The following ATAD2B variants were observed in gnomAD, a reference collection of about 807,000 sequenced individuals.
ATAD2B encodes the protein ATPase family AAA domain containing 2B, also known as ATPase family AAA domain-containing protein 2B.
ATAD2B carries 40 observed loss-of-function variants against 167.6 expected under a neutral mutation model. The observed-to-expected ratio is 0.24, with a 90% CI of 0.19 to 0.31. The LOEUF is 0.31. ATAD2B is among the 10% of genes least tolerant of loss of function. The pLI, the probability that ATAD2B is intolerant of heterozygous loss-of-function variation, is 1.00. For synonymous variants in ATAD2B, 579 were observed against 596.5 expected (o/e 0.97, Z 0.43); for missense variants, 1,242 against 1,757.2 (o/e 0.71, Z 5.24).
In ATAD2B at chr2:23,810,439, T is replaced by C. The variant is rs1399453567; in HGVS notation, c.2331A>G (p.Ser777=). The C allele has an allele frequency of 1.9e-6, 3 of 1,613,958 alleles. No individual in the cohort carries two copies. In the East Asian group the frequency reaches 6.7e-5, roughly 36 times the overall value. ...PRLLLSGERG[S]GQTSHLAPAL... ...CTGGAGCAAGGTGAGAAGTTTGACC[T>C]GAGCCCCGTTCTCCAGAGAGCAATA... The change falls in exon 18 of 28, where the codon TCA becomes TCG. Residue 777 remains serine (S), a synonymous_variant. Coordinates refer to ENST00000238789, the MANE Select transcript of ATAD2B (RefSeq NM_017552.4).
chr2:23,782,781 A>G (rs1680254080), intron 22 of ATAD2B, 88 bp downstream of exon 22: 4 of 1,148,094 alleles, frequency 3.5e-6, no homozygotes, highest in East Asian at 2.4e-5. Context: ...AAAATTATCT[A>G]TCTAGAACAC....
intron 18 of ATAD2B, among the ~76,000 whole-genome samples, chr2:23,800,829 A>C (rs989930398): frequency 1.3e-4 from 20 of 152,058 alleles, no homozygotes; most frequent in African/African-American, 4.3e-4. Flanking sequence ...TAAAAAAAAA[A>C]TTTATATTTG....
intron 16 of ATAD2B, among the ~76,000 whole-genome samples, chr2:23,822,639 G>A (rs965221557): frequency 6.6e-6 from 1 of 151,918 alleles, no homozygotes; most frequent in African/African-American, 2.4e-5. Context: ...TAACAGGCCG[G>A]GCGGGGTGGC....
At chr2:23,708,293 A>T in the ATAD2B span, 1 of 152,196 alleles carries the variant, frequency 6.6e-6, no homozygotes, top group African/African-American at 2.4e-5. Context: ...CATACATTGT[A>T]TGTCATTTAA....
At chr2:23,778,224 AG>A (rs1679466264) in intron 22 of ATAD2B, among the ~76,000 whole-genome samples, 1 of 152,236 alleles carries the variant, frequency 6.6e-6, no homozygotes, top group Non-Finnish European at 1.5e-5. Context: ...TATCAGAACA[AG>A]TGAAGAAAGC....
chr2:23,679,102 C>T, the ATAD2B span, among the ~76,000 whole-genome samples: 1 of 151,618 alleles, frequency 6.6e-6, no homozygotes, highest in South Asian at 2.1e-4. Flanking sequence ...AAGGTGAAAC[C>T]AACACAGGGA....
chr2:23,796,062 G>T (rs72851347), intron 19 of ATAD2B, among the ~76,000 whole-genome samples: 2 of 152,108 alleles, frequency 1.3e-5, no homozygotes, highest in African/African-American at 2.4e-5. Context: ...ATGAGACTTC[G>T]TCTCTACAAA....
At chr2:23,868,128 T>C (rs1695416433) in intron 9 of ATAD2B, among the ~76,000 whole-genome samples, 182 bp from the exon 10 acceptor site, 1 of 152,216 alleles carries the variant, frequency 6.6e-6, no homozygotes, top group Admixed American at 6.5e-5. Flanking sequence ...TGGCCAAAAA[T>C]TAAGTTACTC....
intron 1 of ATAD2B, among the ~76,000 whole-genome samples, chr2:23,919,418 G>C (rs1435605514): frequency 6.6e-6 from 1 of 151,922 alleles, no homozygotes; most frequent in Admixed American, 6.5e-5. Context: ...GTGGTGGCTT[G>C]TGCCTGTAGT....
At chr2:23,782,769 T>C (rs942670858) in intron 22 of ATAD2B, 100 bp downstream of exon 22, 20 of 1,009,482 alleles carry the variant, frequency 2.0e-5, no homozygotes, top group South Asian at 8.7e-5. Flanking sequence ...CAACAGGTCA[T>C]GAAAATTATC....
At chr2:23,757,024 C>G (rs12622290) in intron 25 of ATAD2B, among the ~76,000 whole-genome samples, 18,296 of 152,118 alleles carry the variant, frequency 0.12, 1,179 homozygotes, top group Middle Eastern at 0.22. Flanking sequence ...CTGCTATTAT[C>G]ACTAAGTCTT....
chr2:23,828,454 T>C (rs1490193803), intron 15 of ATAD2B, among the ~76,000 whole-genome samples: 1 of 152,198 alleles, frequency 6.6e-6, no homozygotes, highest in Non-Finnish European at 1.5e-5. Flanking sequence ...ATAAGCCCGT[T>C]GTGTAATCTG....
At chr2:23,695,915 A>T in the ATAD2B span, 2 of 1,545,728 alleles carry the variant, frequency 1.3e-6, no homozygotes, top group Admixed American at 2.0e-5. The surrounding 1 kb of genome is among the most constrained non-coding windows in gnomAD (Gnocchi z 7.6). Context: ...ACAGTCTTAG[A>T]GTGTGTCCCA....
chr2:23,777,348 ATATATCTATATCTATATC>A (rs71402507), intron 22 of ATAD2B, among the ~76,000 whole-genome samples: 25 of 146,226 alleles, frequency 1.7e-4, no homozygotes, highest in African/African-American at 5.3e-4. Context: ...CATAATACTG[ATATATCTATATCTATATC>A]TATATCTATA....
chr2:23,692,825 G>T, the ATAD2B span, among the ~76,000 whole-genome samples: 1 of 152,194 alleles, frequency 6.6e-6, no homozygotes, highest in East Asian at 1.9e-4. Context: ...TATGCAAGAA[G>T]CTGGGAGGTG....
intron 6 of ATAD2B, among the ~76,000 whole-genome samples, chr2:23,882,535 G>T (rs1013015484): frequency 2.7e-5 from 4 of 147,424 alleles, no homozygotes; most frequent in Non-Finnish European, 4.5e-5. Context: ...AAGGCCAGGC[G>T]CAGTGGCTCA....
At chr2:23,709,413 G>GCTCT in the ATAD2B span, among the ~76,000 whole-genome samples, 51 of 152,318 alleles carry the variant, frequency 3.3e-4, no homozygotes, top group South Asian at 0.011. Context: ...GGCTGGTGCT[G>GCTCT]CTCTCTAGGC....
In ATAD2B at chr2:23,807,983, A is replaced by T. The variant is rs1306707658; in HGVS notation, c.2454+2333T>A. Among the ~76,000 whole-genome samples, 19 of 111,850 alleles carry T rather than the reference A, an allele frequency of 1.7e-4. No individual in the cohort carries two copies. In the South Asian group the frequency reaches 3.2e-3, roughly 19 times the overall value. 73.4% of individuals were successfully genotyped at this position (111,850 alleles called of 152,430 possible). A position where few individuals can be genotyped will look rare whatever the true frequency, so the allele number is the denominator to read the frequency against. On this transcript the variant is annotated intron_variant, in intron 18 of 27. Coordinates refer to ENST00000238789, the MANE Select transcript of ATAD2B (RefSeq NM_017552.4). ...TAATATATATATTATAAATATATTT[A>T]TATATAAATTTAGCACAGTAATTTA...
chr2:23,815,710 T>C (rs946302754), intron 17 of ATAD2B, among the ~76,000 whole-genome samples: 1 of 152,336 alleles, frequency 6.6e-6, no homozygotes, highest in African/African-American at 2.4e-5. Context: ...AAAATTGATA[T>C]CCTCACAACT....
Sources: gnomAD v4.1 joint callset for allele counts (sites outside exome capture counted in the v4.1 genomes callset) on GRCh38, gnomAD v4.1.1 for gene constraint, Gnocchi (gnomAD v3.1) non-coding constraint, MANE v1.5 for transcripts, NCBI Gene and HGNC (gene_info 2026-07-23, HGNC 2026-07-21) for gene names.